CERS6: variants seen among roughly 807,000 people sequenced by gnomAD.
CERS6 encodes ceramide synthase 6.
A neutral mutation model predicts 56.8 loss-of-function variants in CERS6; 26 were observed. The observed-to-expected ratio is 0.46, with a 90% CI of 0.34 to 0.63. CERS6 has a LOEUF of 0.63. Among genes scored for constraint, CERS6 ranks in the 30% least tolerant of loss-of-function variants. The pLI is 0.01. For missense variants in CERS6, 415 were observed against 467.5 expected (o/e 0.89, Z 1.04); for synonymous variants, 164 against 173.3 (o/e 0.95, Z 0.42).
intron 3 of CERS6, among the ~76,000 whole-genome samples, chr2:168,564,712 C>T (rs1018964284): frequency 2.6e-5 from 4 of 152,212 alleles, no homozygotes; most frequent in Admixed American, 1.3e-4. Context: ...TATCCCCTCA[C>T]CATTCTTCAA....
At chr2:168,506,436 G>A (rs79717538) in intron 1 of CERS6, among the ~76,000 whole-genome samples, 3,348 of 152,146 alleles carry the variant, frequency 0.022, 136 homozygotes, top group East Asian at 0.18. Context: ...AGGTGTGTCC[G>A]ACCCACCTGA....
At chr2:168,724,626 A>G (rs529910886) in intron 8 of CERS6, among the ~76,000 whole-genome samples, 5 of 152,260 alleles carry the variant, frequency 3.3e-5, no homozygotes, top group South Asian at 2.1e-4. Context: ...TGAGCTAGAC[A>G]TAAAGGTTCT....
intron 2 of CERS6, among the ~76,000 whole-genome samples, chr2:168,560,300 G>A (rs1053207741): frequency 5.9e-5 from 9 of 152,180 alleles, no homozygotes; most frequent in Non-Finnish European, 1.2e-4. Flanking sequence ...GATGAGATTT[G>A]GGTGGGGACA....
chr2:168,679,237 A>C (rs2105348569), intron 4 of CERS6, among the ~76,000 whole-genome samples: 1 of 152,300 alleles, frequency 6.6e-6, no homozygotes, highest in Non-Finnish European at 1.5e-5. Context: ...GGGGGGAATA[A>C]GTTCTGGGGC....
rs902702317 is a variant in CERS6, at chr2:168,596,554, CCTT to C, written c.408-34430_408-34428del. Among the ~76,000 whole-genome samples the C allele has an allele frequency of 2.1e-4, 28 of 134,018 alleles. 1 individual carries two copies. The highest frequency in any genetic ancestry group is 8.0e-4 in the African/African-American group (27 of 33,742). 87.9% of individuals were successfully genotyped at this position (134,018 alleles called of 152,430 possible). A position where few individuals can be genotyped will look rare whatever the true frequency, so the allele number is the denominator to read the frequency against. On this transcript the variant is annotated intron_variant, in intron 3 of 9. Transcript: ENST00000305747. ...ATTGTTTCAGGGCCCCATCCCCCCC[CCTT>C]TTTTTTTTTTTTTTGAGACTGAGTC...
chr2:168,619,723 C>T (rs368346587), intron 3 of CERS6, among the ~76,000 whole-genome samples: 3 of 151,904 alleles, frequency 2.0e-5, no homozygotes, highest in East Asian at 2.0e-4. Context: ...GAGATGGATG[C>T]GGTGAATAGG....
intron 8 of CERS6, among the ~76,000 whole-genome samples, chr2:168,750,278 G>A (rs1684224401): frequency 6.6e-6 from 1 of 152,018 alleles, no homozygotes; most frequent in African/African-American, 2.4e-5. Flanking sequence ...TTCTCATGTG[G>A]CTTCCTCAAA....
At chr2:168,646,035 T>C (rs1205052475) in intron 4 of CERS6, among the ~76,000 whole-genome samples, 1 of 152,234 alleles carries the variant, frequency 6.6e-6, no homozygotes, top group East Asian at 1.9e-4. Context: ...GAATGATTCA[T>C]ATTCCTCTGG....
chr2:168,666,349 ATCT>A (rs1264884468), intron 4 of CERS6, among the ~76,000 whole-genome samples: 10 of 152,222 alleles, frequency 6.6e-5, no homozygotes, highest in African/African-American at 1.7e-4. Context: ...GCAACCACTC[ATCT>A]TCTTACTTTC....
chr2:168,747,455 A>G (rs1684141397), intron 8 of CERS6, among the ~76,000 whole-genome samples: 2 of 152,218 alleles, frequency 1.3e-5, no homozygotes, highest in Non-Finnish European at 2.9e-5. Flanking sequence ...TTGAGAAAGC[A>G]TTCTTGAACT....
intron 1 of CERS6, among the ~76,000 whole-genome samples, chr2:168,497,522 A>C (rs756993029): frequency 3.9e-5 from 6 of 152,212 alleles, no homozygotes; most frequent in Admixed American, 6.5e-5. Flanking sequence ...ACTCCCTGGT[A>C]AGGTGACCTC....
At chr2:168,598,996 G>T (rs901430009) in intron 3 of CERS6, among the ~76,000 whole-genome samples, 1 of 152,182 alleles carries the variant, frequency 6.6e-6, no homozygotes, top group South Asian at 2.1e-4. Context: ...CTTGACATTT[G>T]TGTAGCTCTG....
intron 3 of CERS6, among the ~76,000 whole-genome samples, chr2:168,574,037 G>A (rs1193413639): frequency 6.6e-6 from 1 of 152,098 alleles, no homozygotes; most frequent in African/African-American, 2.4e-5. Flanking sequence ...TCCTTTAGAT[G>A]TACTTTTCAG....
At chr2:168,473,823 G>A (rs924423386) in intron 1 of CERS6, among the ~76,000 whole-genome samples, 1 of 152,112 alleles carries the variant, frequency 6.6e-6, no homozygotes, top group Non-Finnish European at 1.5e-5. Flanking sequence ...ATTAGTAGTT[G>A]ATATACATGT....
intron 3 of CERS6, among the ~76,000 whole-genome samples, chr2:168,588,303 C>T (rs528384975): frequency 6.6e-6 from 1 of 152,132 alleles, no homozygotes; most frequent in African/African-American, 2.4e-5. Context: ...TCAGTGGCTT[C>T]TGCGTACATT....
intron 4 of CERS6, among the ~76,000 whole-genome samples, chr2:168,688,696 T>C (rs1686420243): frequency 6.6e-6 from 1 of 152,150 alleles, no homozygotes; most frequent in South Asian, 2.1e-4. Context: ...TGAAAGAATA[T>C]ATTCCTAAAT....
At chr2:168,578,092 A>G (rs1683322281) in intron 3 of CERS6, among the ~76,000 whole-genome samples, 1 of 152,028 alleles carries the variant, frequency 6.6e-6, no homozygotes, top group East Asian at 1.9e-4. Context: ...GGAGGTTTGG[A>G]GCCCTCGCTC....
intron 6 of CERS6, among the ~76,000 whole-genome samples, chr2:168,699,075 T>TA (rs1160897567): frequency 6.6e-6 from 1 of 152,160 alleles, no homozygotes; most frequent in Non-Finnish European, 1.5e-5. Flanking sequence ...CATCTCTCAT[T>TA]AGGGAGCTGC....
intron 8 of CERS6, among the ~76,000 whole-genome samples, chr2:168,727,191 C>T (rs1304183649): frequency 6.6e-6 from 1 of 152,074 alleles, no homozygotes; most frequent in Non-Finnish European, 1.5e-5. Context: ...TTCTGTTGCT[C>T]TGTTCACTGA....
Sources: allele counts gnomAD v4.1 joint callset (sites outside exome capture counted in the v4.1 genomes callset), GRCh38; gene constraint gnomAD v4.1.1; transcripts MANE v1.5; gene names NCBI Gene and HGNC (gene_info 2026-07-23, HGNC 2026-07-21).